HIP1: variants seen among roughly 807,000 people sequenced by gnomAD.
The protein encoded by HIP1 is huntingtin-interacting protein 1.
A neutral mutation model predicts 147.6 loss-of-function variants in HIP1; 65 were observed. That is an observed-to-expected ratio of 0.44 (90% CI 0.36 to 0.54). HIP1 has a LOEUF of 0.54. Ranked by LOEUF, HIP1 falls within the 20% of genes least tolerant of loss-of-function variation. HIP1 has a pLI of 0.00. For synonymous variants in HIP1, 479 were observed against 504.0 expected, an observed-to-expected ratio of 0.95 and a Z score of 0.67; for missense variants, 1,061 against 1,299.6, an observed-to-expected ratio of 0.82 and a Z score of 2.82.
chr7:75,671,298 T>C (rs1554515279), intron 1 of HIP1, among the ~76,000 whole-genome samples: 3 of 151,884 alleles, frequency 2.0e-5, no homozygotes, highest in African/African-American at 7.3e-5. Context: ...ATCACCATGT[T>C]GGCTAGGCTG....
Position 75,559,914 on chromosome 7 carries a change from C to A in HIP1, c.1193G>T (p.Ser398Ile). ...KAQLENMKTESQRVVLQLKGH... is the reference protein window; with the variant it reads ...KAQLENMKTEIQRVVLQLKGH... Reference sequence around the variant, plus strand: ...CTTCAGCTGCAGCACAACCCGCTGGCTCTGTGGGGGGACTCCGGTCATGAG... The same window carrying A: ...CTTCAGCTGCAGCACAACCCGCTGGATCTGTGGGGGGACTCCGGTCATGAG... The change falls in exon 14 of 31, where the codon AGC becomes ATC. Residue 398 changes from serine to isoleucine, a missense_variant and splice_region_variant. Ser to Ile is a moderately radical substitution (Grantham distance 142). This residue lies in a region of HIP1 where 810 missense variants were observed against 946.8 expected (regional missense o/e 0.86). Transcript: ENST00000336926. 6.3e-7 allele frequency: 1 copy of A among 1,598,662 alleles called. No homozygotes were observed. Among genetic ancestry groups the A allele is most frequent in the Non-Finnish European group, 8.5e-7 (1 of 1,174,408 alleles).
intron 1 of HIP1, among the ~76,000 whole-genome samples, chr7:75,676,690 C>T (rs1488120710): frequency 2.6e-5 from 4 of 151,574 alleles, no homozygotes; most frequent in Admixed American, 6.6e-5. Flanking sequence ...GTAGAAGAAT[C>T]GCTTGAACCC....
chr7:75,671,069 A>G (rs1305179721), intron 1 of HIP1, among the ~76,000 whole-genome samples: 2 of 152,006 alleles, frequency 1.3e-5, no homozygotes, highest in Non-Finnish European at 2.9e-5. Flanking sequence ...ATGTTGTAGT[A>G]TGTGTCAGAA....
chr7:75,541,894 C>G (rs1485737252), intron 29 of HIP1, 25 bp downstream of exon 29: 1 of 1,570,948 alleles, frequency 6.4e-7, no homozygotes, highest in Non-Finnish European at 8.8e-7. Context: ...TAGAGGCTAT[C>G]TAGACTTACA....
At chr7:75,573,595 C>A (rs140921648) in intron 8 of HIP1, among the ~76,000 whole-genome samples, 166 bp downstream of exon 8, 3,062 of 152,248 alleles carry the variant, frequency 0.02, 39 homozygotes, top group Non-Finnish European at 0.03. Flanking sequence ...AAGCCTGGGC[C>A]CTGCTCTTTT....
At chr7:75,629,104 G>A (rs1270193678) in intron 1 of HIP1, among the ~76,000 whole-genome samples, 2 of 152,168 alleles carry the variant, frequency 1.3e-5, no homozygotes, top group Non-Finnish European at 2.9e-5. Flanking sequence ...GTCCTCCAAA[G>A]AGAGGTTAAG....
chr7:75,605,632 G>A (rs1225291121), intron 1 of HIP1, among the ~76,000 whole-genome samples: 2 of 151,912 alleles, frequency 1.3e-5, no homozygotes, highest in Non-Finnish European at 1.5e-5. Context: ...TCCTGGGTTC[G>A]AGTGATTCTC....
intron 1 of HIP1, among the ~76,000 whole-genome samples, chr7:75,621,454 C>T (rs1797845783): frequency 6.6e-6 from 1 of 152,158 alleles, no homozygotes; most frequent in Non-Finnish European, 1.5e-5. Context: ...CGGGGTCTTG[C>T]CATGTTGCCC....
At chr7:75,634,087 C>T (rs1334439600) in intron 1 of HIP1, among the ~76,000 whole-genome samples, 5 of 151,988 alleles carry the variant, frequency 3.3e-5, no homozygotes, top group Non-Finnish European at 7.4e-5. Context: ...AAAACCTCGT[C>T]TCTACCAAAA....
intron 1 of HIP1, among the ~76,000 whole-genome samples, chr7:75,633,669 T>C (rs1798317691): frequency 1.3e-5 from 2 of 152,156 alleles, no homozygotes; most frequent in African/African-American, 4.8e-5. Context: ...GCTGCTCTGT[T>C]TGCTGGGCAG....
At chr7:75,595,006 A>T (rs978631599) in intron 2 of HIP1, among the ~76,000 whole-genome samples, 73 of 152,298 alleles carry the variant, frequency 4.8e-4, no homozygotes, top group African/African-American at 1.6e-3. Context: ...ACTGTCATTT[A>T]GGGCAGAAGG....
intron 1 of HIP1, among the ~76,000 whole-genome samples, chr7:75,621,635 C>T (rs181173210): frequency 2.4e-4 from 36 of 152,274 alleles, no homozygotes; most frequent in African/African-American, 8.4e-4. Flanking sequence ...GAACAGACTG[C>T]AGGGACCAGT....
At chr7:75,675,066 G>A (rs781967751) in intron 1 of HIP1, among the ~76,000 whole-genome samples, 6 of 151,962 alleles carry the variant, frequency 3.9e-5, no homozygotes, top group South Asian at 4.2e-4. Context: ...CCTATTATAC[G>A]TATGTTGATA....
At chr7:75,595,040 A>G (rs587741527) in intron 2 of HIP1, among the ~76,000 whole-genome samples, 4 of 152,218 alleles carry the variant, frequency 2.6e-5, no homozygotes, top group African/African-American at 9.6e-5. Context: ...AGGAAACTAA[A>G]TGACTCACCC....
intron 1 of HIP1, among the ~76,000 whole-genome samples, chr7:75,706,473 C>CTTTTTTTTTTTTTTTTTTTTTTTTTT (rs139655610): frequency 1.4e-5 from 2 of 138,098 alleles, no homozygotes; most frequent in African/African-American, 2.8e-5. Context: ...TATATATCTT[C>CTTTTTTTTTTTTTTTTTTTTTTTTTT]TTTTTTTTTA....
Position 75,538,035 on chromosome 7 carries a change from G to T in HIP1, c.*137C>A. On this transcript the variant is annotated 3_prime_UTR_variant, in exon 31 of 31. Coordinates refer to ENST00000336926, the MANE Select transcript of HIP1 (RefSeq NM_005338.7). ...TGGAGGGAGTCTTTGGAAGTGTCAT[G>T]CATGTCCTCGGCACTGGGTAATGGC... 3 of 744,346 alleles carry T rather than the reference G, an allele frequency of 4.0e-6. No individual in the cohort carries two copies. The highest frequency in any genetic ancestry group is 4.9e-6 in the Non-Finnish European group (2 of 404,150). The allele number at this position is 744,346 out of a possible 1,614,324, so 46.1% of individuals were successfully genotyped here.
chr7:75,717,907 C>A (rs1278185196), intron 1 of HIP1, among the ~76,000 whole-genome samples: 2 of 151,312 alleles, frequency 1.3e-5, no homozygotes, highest in Non-Finnish European at 2.9e-5. Context: ...GAGGTGGAAG[C>A]TGCAGTGAGC....
At chr7:75,663,960 G>GTGTA (rs1332556137) in intron 1 of HIP1, among the ~76,000 whole-genome samples, 9 of 52,964 alleles carry the variant, frequency 1.7e-4, no homozygotes, top group Admixed American at 4.9e-4. Flanking sequence ...ACATATATGT[G>GTGTA]TATATATATA....
intron 7 of HIP1, among the ~76,000 whole-genome samples, chr7:75,578,622 G>A (rs73139367): frequency 0.019 from 2,831 of 152,230 alleles, 36 homozygotes; most frequent in African/African-American, 0.026. Context: ...AGGTTGCAGT[G>A]AGCCGGAATC....
Sources: allele counts gnomAD v4.1 joint callset (sites outside exome capture counted in the v4.1 genomes callset), GRCh38; gene constraint gnomAD v4.1.1; regional missense constraint gnomAD v4.1.1; transcripts MANE v1.5; gene names NCBI Gene and HGNC (gene_info 2026-07-23, HGNC 2026-07-21).